Variants in VWC2L observed in about 807,000 individuals in gnomAD.
The protein encoded by VWC2L is von Willebrand factor C domain-containing protein 2-like.
Under a neutral mutation model 21.6 loss-of-function variants are expected in VWC2L, and 10 were observed. The observed-to-expected ratio is 0.46, with a 90% CI of 0.29 to 0.78. The LOEUF (loss-of-function observed/expected upper bound fraction) is 0.78, where lower values mean the gene tolerates loss of function less well. VWC2L is among the 30% of genes least tolerant of loss of function. The pLI, the probability that VWC2L is intolerant of heterozygous loss-of-function variation, is 0.10. For synonymous variants in VWC2L, 96 were observed against 94.3 expected (o/e 1.02, Z -0.10); for missense variants, 209 against 277.1 (o/e 0.75, Z 1.74).
intron 3 of VWC2L, among the ~76,000 whole-genome samples, chr2:214,511,494 T>C (rs563876417): frequency 6.6e-6 from 1 of 152,000 alleles, no homozygotes; most frequent in East Asian, 1.9e-4. Context: ...AGAGAGAGAT[T>C]TGGGACAATT....
intron 3 of VWC2L, among the ~76,000 whole-genome samples, chr2:214,447,338 A>G (rs559912755): frequency 2.4e-4 from 36 of 152,254 alleles, no homozygotes; most frequent in African/African-American, 8.4e-4. Flanking sequence ...CAGAGCCCAG[A>G]CATCCATGTA....
intron 3 of VWC2L, among the ~76,000 whole-genome samples, chr2:214,480,997 AC>A (rs1451318831): frequency 6.6e-6 from 1 of 152,170 alleles, no homozygotes; most frequent in African/African-American, 2.4e-5. Flanking sequence ...CTAAAGCCAA[AC>A]TGAGCTAAAG....
chr2:214,451,369 T>C (rs534316232), intron 3 of VWC2L, among the ~76,000 whole-genome samples: 30 of 151,738 alleles, frequency 2.0e-4, no homozygotes, highest in African/African-American at 7.0e-4. Context: ...GTGAGAATGT[T>C]CTACTAAGAT....
chr2:214,511,865 T>G (rs553101660), intron 3 of VWC2L, among the ~76,000 whole-genome samples: 1 of 62,318 alleles, frequency 1.6e-5, no homozygotes, highest in East Asian at 3.5e-4. Context: ...ATACTCTATA[T>G]ATATACTTTA....
At chr2:214,560,196 G>A (rs185977699) in intron 3 of VWC2L, among the ~76,000 whole-genome samples, 159 of 152,200 alleles carry the variant, frequency 1.0e-3, no homozygotes, top group Middle Eastern at 3.4e-3. Flanking sequence ...ATTTACCAAC[G>A]GCATGTGTAA....
intron 3 of VWC2L, among the ~76,000 whole-genome samples, chr2:214,554,820 A>C (rs1689850721): frequency 1.3e-5 from 2 of 152,224 alleles, no homozygotes. Context: ...GACATGACAG[A>C]CAGCAGGCCC....
chr2:214,459,584 G>A (rs1172360280), intron 3 of VWC2L, among the ~76,000 whole-genome samples: 1 of 152,060 alleles, frequency 6.6e-6, no homozygotes, highest in Non-Finnish European at 1.5e-5. Flanking sequence ...TTTAATGAGG[G>A]TTGATATTGT....
At chr2:214,454,792 T>C (rs369696291) in intron 3 of VWC2L, among the ~76,000 whole-genome samples, 1 of 151,612 alleles carries the variant, frequency 6.6e-6, no homozygotes, top group East Asian at 1.9e-4. Context: ...TTAGTAGAGA[T>C]GGAGTTTCAC....
At chr2:214,431,346 T>C in intron 2 of VWC2L, among the ~76,000 whole-genome samples, 1 of 152,190 alleles carries the variant, frequency 6.6e-6, no homozygotes, top group East Asian at 1.9e-4. Context: ...TTTTTTCCTT[T>C]GTGGAAAAGA....
intron 3 of VWC2L, among the ~76,000 whole-genome samples, chr2:214,549,705 A>G (rs4673858): frequency 1 from 152,315 of 152,326 alleles, 76,152 homozygotes; most frequent in Middle Eastern, 1. Context: ...CCCGGGAGGC[A>G]GAGGTTGCAG....
intron 3 of VWC2L, among the ~76,000 whole-genome samples, chr2:214,494,457 C>T (rs957774281): frequency 1.2e-4 from 18 of 152,210 alleles, no homozygotes; most frequent in African/African-American, 4.3e-4. Flanking sequence ...AGACCCTACC[C>T]TCTGCATGTC....
intron 2 of VWC2L, among the ~76,000 whole-genome samples, chr2:214,416,165 T>A (rs1702351693): frequency 6.6e-6 from 1 of 152,038 alleles, no homozygotes; most frequent in Non-Finnish European, 1.5e-5. Context: ...TTTCTGAGAT[T>A]TATATAATTT....
chr2:214,556,107 T>C (rs1689868893), intron 3 of VWC2L, among the ~76,000 whole-genome samples: 1 of 151,926 alleles, frequency 6.6e-6, no homozygotes. Context: ...AAAATAAATA[T>C]AAATTAGCTG....
At chr2:214,546,342 G>T (rs1217893309) in intron 3 of VWC2L, among the ~76,000 whole-genome samples, 4 of 152,046 alleles carry the variant, frequency 2.6e-5, no homozygotes, top group Non-Finnish European at 5.9e-5. Flanking sequence ...CCAGCCAAAT[G>T]CTCCCTAGAT....
intron 3 of VWC2L, among the ~76,000 whole-genome samples, chr2:214,541,589 T>C (rs1689628249): frequency 6.6e-6 from 1 of 152,202 alleles, no homozygotes; most frequent in African/African-American, 2.4e-5. Flanking sequence ...TGATGAAGAC[T>C]TGAGTTTGGG....
At chr2:214,530,148 T>A in intron 3 of VWC2L, among the ~76,000 whole-genome samples, 1 of 152,196 alleles carries the variant, frequency 6.6e-6, no homozygotes, top group Non-Finnish European at 1.5e-5. Context: ...CTTGGCAAAG[T>A]ACTTTTTAAA....
chr2:214,476,962 G>A (rs1688534422), intron 3 of VWC2L, among the ~76,000 whole-genome samples: 2 of 152,074 alleles, frequency 1.3e-5, no homozygotes, highest in Admixed American at 1.3e-4. Flanking sequence ...TTAAGCATCG[G>A]AGCCCCTTTT....
chr2:214,412,571 G>C (rs1412367487), intron 1 of VWC2L, among the ~76,000 whole-genome samples: 1 of 151,974 alleles, frequency 6.6e-6, no homozygotes, highest in Non-Finnish European at 1.5e-5. Context: ...TATTTTATAA[G>C]AAATCATCGG....
At chr2:214,505,892 A>G (rs970729788) in intron 3 of VWC2L, among the ~76,000 whole-genome samples, 86 of 152,232 alleles carry the variant, frequency 5.6e-4, no homozygotes, top group African/African-American at 2.0e-3. Context: ...GTTTTTGGAG[A>G]CTTTTTTAAA....
Sources: gnomAD v4.1 joint callset for allele counts (sites outside exome capture counted in the v4.1 genomes callset) on GRCh38, gnomAD v4.1.1 for gene constraint, MANE v1.5 for transcripts, NCBI Gene and HGNC (gene_info 2026-07-23, HGNC 2026-07-21) for gene names.